Variants in HAUS6 observed in about 807,000 individuals in gnomAD.
HAUS6 encodes HAUS augmin-like complex subunit 6.
In HAUS6, 80 loss-of-function variants were observed where a neutral mutation model predicts 106.8. The observed-to-expected ratio is 0.75, with a 90% CI of 0.63 to 0.90. HAUS6 has a LOEUF of 0.90. Among genes scored for constraint, HAUS6 ranks in the 40% least tolerant of loss-of-function variants. The probability of loss-of-function intolerance (pLI) is 0.00; values close to 1 mark genes in which losing one functional copy is unlikely to be tolerated. For synonymous variants in HAUS6, 356 were observed against 379.1 expected, an observed-to-expected ratio of 0.94 and a Z score of 0.71; for missense variants, 1,155 against 1,118.1, an observed-to-expected ratio of 1.03 and a Z score of -0.47.
intron 7 of HAUS6, among the ~76,000 whole-genome samples, chr9:19,085,041 C>CCTCA (rs1343234333): frequency 6.6e-6 from 1 of 152,166 alleles, no homozygotes; most frequent in African/African-American, 2.4e-5. Flanking sequence ...AATCCTCCTG[C>CCTCA]CTCAGCCTCC....
At chr9:19,080,720 A>C (rs1245733743) in intron 8 of HAUS6, 48 bp from the exon 9 acceptor site, 1 of 1,005,496 alleles carries the variant, frequency 9.9e-7, no homozygotes, top group South Asian at 1.4e-5. Context: ...AGGTTGTTAC[A>C]ACAAACTATT....
intron 11 of HAUS6, among the ~76,000 whole-genome samples, chr9:19,072,284 G>A (rs926950292): frequency 1.1e-4 from 16 of 152,012 alleles, no homozygotes; most frequent in Non-Finnish European, 2.1e-4. Flanking sequence ...AGGCCAAGGC[G>A]GGCAGATCAC....
At chr9:19,073,762 T>C (rs903113095) in intron 11 of HAUS6, 16 of 152,166 alleles carry the variant, frequency 1.1e-4, no homozygotes, top group Non-Finnish European at 2.1e-4. Flanking sequence ...AAAGCCACCA[T>C]GGAACCAGGA....
At chr9:19,083,184 T>C in intron 7 of HAUS6, 141 bp from the exon 8 acceptor site, 2 of 452,050 alleles carry the variant, frequency 4.4e-6, no homozygotes, top group East Asian at 3.5e-5. Context: ...TTTAATAGTT[T>C]AAAAGTCCCT....
Position 19,070,245 on chromosome 9 carries a change from C to A in HAUS6, c.1350G>T (p.Leu450Phe), listed in dbSNP as rs576412467. 6.3e-6 allele frequency: 10 copies of A among 1,597,862 alleles called. No individual in the cohort carries two copies. In the East Asian group the frequency reaches 2.2e-4, roughly 36 times the overall value. ...TGTTGGCTAGATCATGTAGCGCTCC[C>A]AAGGTATCACTGTCTCCTCTGCAAC... Reference protein sequence around the residue: ...ENGCRGDSDTLGALHDLANSP... With the variant: ...ENGCRGDSDTFGALHDLANSP... Residue 450 changes from leucine (L) to phenylalanine (F), a missense_variant, in exon 12 of 17, where the codon TTG becomes TTT. Around this residue, in one of 3 missense-constraint regions of HAUS6, gnomAD observed 761 missense variants for 690.0 expected, o/e 1.10. Coordinates refer to ENST00000380502, the MANE Select transcript of HAUS6 (RefSeq NM_017645.5).
chr9:19,087,186 T>A (rs750341062), intron 5 of HAUS6, 30 bp from the exon 6 acceptor site: 1 of 1,190,594 alleles, frequency 8.4e-7, no homozygotes, highest in Non-Finnish European at 1.3e-6. Context: ...ATGACAACTA[T>A]AATACCATTA....
chr9:19,061,708 G>A (rs1161318722), intron 14 of HAUS6, among the ~76,000 whole-genome samples: 2 of 152,132 alleles, frequency 1.3e-5, no homozygotes, highest in Non-Finnish European at 2.9e-5. Flanking sequence ...AGTGGTGCAC[G>A]CCTATAGTCG....
chr9:19,078,100 C>G, intron 10 of HAUS6, 76 bp downstream of exon 10: 2 of 1,170,786 alleles, frequency 1.7e-6, no homozygotes, highest in Non-Finnish European at 2.4e-6. Context: ...GCCTGGGCAA[C>G]AGAGCAAGAC....
At chr9:19,087,177 T>G (rs1342489634) in intron 5 of HAUS6, 21 bp from the exon 6 acceptor site, 1 of 1,306,602 alleles carries the variant, frequency 7.7e-7, no homozygotes, top group Non-Finnish European at 1.1e-6. Flanking sequence ...ACATACAAAA[T>G]GACAACTATA....
intron 11 of HAUS6, chr9:19,073,897 G>A (rs1217834212): frequency 6.6e-6 from 1 of 151,994 alleles, no homozygotes; most frequent in East Asian, 1.9e-4. Context: ...AGATTAACAT[G>A]GCCCCTGAGC....
At chr9:19,084,370 T>C (rs1016515156) in intron 7 of HAUS6, among the ~76,000 whole-genome samples, 2 of 152,172 alleles carry the variant, frequency 1.3e-5, no homozygotes, top group Non-Finnish European at 2.9e-5. Flanking sequence ...GCAAACAGTG[T>C]AAACTAAACA....
chr9:19,056,722 T>G (rs1452316249), intron 16 of HAUS6: 2 of 230,242 alleles, frequency 8.7e-6, no homozygotes, highest in Admixed American at 5.2e-5. Context: ...CACCTCAGCC[T>G]CCTGTGTACC....
rs185455264 is a variant in HAUS6, at chr9:19,083,011, C to G, written c.732G>C (p.Thr244=). The part of the protein sequence containing the change: ...VRSLWASVNE[T]LMFLEKEREV... ...CTCTCTCTTTTTCCAAAAACATGAGCGTTTCATTCACTGAAGCCCACAAAG... is the reference window on the plus strand; with the variant it reads ...CTCTCTCTTTTTCCAAAAACATGAGGGTTTCATTCACTGAAGCCCACAAAG... Residue 244 remains threonine (T), a synonymous_variant, in exon 8 of 17, where the codon ACG becomes ACC. Transcript: ENST00000380502. 1 of 1,588,186 alleles carries G rather than the reference C, an allele frequency of 6.3e-7. No homozygotes were observed. The highest frequency in any genetic ancestry group is 1.4e-5 in the African/African-American group (1 of 73,462).
chr9:19,090,014 T>C (rs1769334663), intron 4 of HAUS6, among the ~76,000 whole-genome samples: 1 of 151,846 alleles, frequency 6.6e-6, no homozygotes, highest in Non-Finnish European at 1.5e-5. Flanking sequence ...TTTTTTATTA[T>C]TTTTTGTAGA....
chr9:19,092,888 G>A (rs1038766788), intron 4 of HAUS6, among the ~76,000 whole-genome samples: 1 of 142,808 alleles, frequency 7.0e-6, no homozygotes, highest in Admixed American at 7.1e-5. Flanking sequence ...TCACAGCATT[G>A]CACTCCAGCT....
chr9:19,086,959 C>T, intron 6 of HAUS6, 132 bp downstream of exon 6: 1 of 641,032 alleles, frequency 1.6e-6, no homozygotes, highest in Non-Finnish European at 2.8e-6. Flanking sequence ...CATAACTATG[C>T]TCTAATCCTA....
intron 14 of HAUS6, among the ~76,000 whole-genome samples, chr9:19,061,437 TCTTTA>T (rs745549356): frequency 6.6e-5 from 10 of 152,188 alleles, no homozygotes; most frequent in Non-Finnish European, 1.3e-4. Context: ...ATACTAACCA[TCTTTA>T]CTTTAGTGTA....
In HAUS6 at chr9:19,063,730, G is replaced by A. The variant is rs372392524; in HGVS notation, c.1377-150C>T. On this transcript the variant is annotated intron_variant, in intron 12 of 16. Transcript: ENST00000380502. ...GTCATCAAAAGGCAGTTTATTCTAG[G>A]GAGGCATGGTGACAAGTAGAGCAGT... 29 of 765,912 alleles carry A rather than the reference G, an allele frequency of 3.8e-5. No homozygotes were observed. In the African/African-American group the frequency reaches 4.8e-4, roughly 13 times the overall value. The allele number at this position is 765,912 out of a possible 1,614,324, so 47.4% of individuals were successfully genotyped here. A position where few individuals can be genotyped will look rare whatever the true frequency, so the allele number is the denominator to read the frequency against.
chr9:19,099,559 G>T (rs1223807470), intron 1 of HAUS6, among the ~76,000 whole-genome samples: 1 of 152,056 alleles, frequency 6.6e-6, no homozygotes, highest in Non-Finnish European at 1.5e-5. Flanking sequence ...CAAACTCCTG[G>T]GCTCAAGCAA....
Sources: gnomAD v4.1 joint callset for allele counts (sites outside exome capture counted in the v4.1 genomes callset) on GRCh38, gnomAD v4.1.1 for gene constraint, gnomAD v4.1.1 regional missense constraint, MANE v1.5 for transcripts, NCBI Gene and HGNC (gene_info 2026-07-23, HGNC 2026-07-21) for gene names.